MOB1A: variants seen among roughly 807,000 people sequenced by gnomAD.
The protein encoded by MOB1A is MOB1 Mps One Binder homolog A.
MOB1A carries 10 observed loss-of-function variants against 25.1 expected under a neutral mutation model. The ratio of observed to expected loss-of-function variants is 0.40; its 90% CI spans 0.25 to 0.68. MOB1A has a LOEUF of 0.68. Among genes scored for constraint, MOB1A ranks in the 30% least tolerant of loss-of-function variants. The pLI, the probability that MOB1A is intolerant of heterozygous loss-of-function variation, is 0.40. For synonymous variants in MOB1A, 81 were observed against 79.5 expected, an observed-to-expected ratio of 1.02 and a Z score of -0.10; for missense variants, 177 against 256.3, an observed-to-expected ratio of 0.69 and a Z score of 2.11.
intron 4 of MOB1A, chr2:74,164,598 T>C (rs1402919480): frequency 6.6e-6 from 1 of 152,182 alleles, no homozygotes; most frequent in African/African-American, 2.4e-5. Flanking sequence ...CTAATTGTTA[T>C]ATTAAAATCA....
At chr2:74,165,456 C>T (rs938401606) in intron 3 of MOB1A, 105 bp from the exon 4 acceptor site, 4 of 614,922 alleles carry the variant, frequency 6.5e-6, no homozygotes, top group South Asian at 7.7e-5. Context: ...GAAGTTACAT[C>T]TAACTTTAAT....
chr2:74,166,633 G>A (rs1198658284), intron 3 of MOB1A, among the ~76,000 whole-genome samples: 1 of 152,158 alleles, frequency 6.6e-6, no homozygotes. Context: ...CCAGGAGTTT[G>A]AGACCAGCCC....
chr2:74,171,612 G>T (rs56121390), intron 2 of MOB1A, among the ~76,000 whole-genome samples: 1 of 151,940 alleles, frequency 6.6e-6, no homozygotes, highest in Admixed American at 6.6e-5. Context: ...TTTCCATTAA[G>T]AAGTTTTAGG....
intron 4 of MOB1A, 93 bp from the exon 5 acceptor site, chr2:74,159,347 AGTG>A: frequency 8.7e-7 from 1 of 1,153,376 alleles, no homozygotes; most frequent in Non-Finnish European, 1.3e-6. Flanking sequence ...TCACTCAGGC[AGTG>A]GTGCAATCTC....
In MOB1A at chr2:74,165,356, A is replaced by C; in HGVS notation, c.276-5T>G. On this transcript the variant is annotated splice_polypyrimidine_tract_variant and splice_region_variant and intron_variant, in intron 3 of 5. Coordinates refer to ENST00000396049, the MANE Select transcript of MOB1A (RefSeq NM_018221.5). Reference sequence around the variant, plus strand: ...TCTGCCCAGTGATATTCATATCTGAAGAGAAAAATGTTTTACTGATAAATT... The same window carrying C: ...TCTGCCCAGTGATATTCATATCTGACGAGAAAAATGTTTTACTGATAAATT... 6.7e-7 allele frequency: 1 copy of C among 1,489,238 alleles called. No individual in the cohort carries two copies. Among genetic ancestry groups the C allele is most frequent in the Non-Finnish European group, 9.0e-7 (1 of 1,116,112 alleles). 92.3% of individuals were successfully genotyped at this position (1,489,238 alleles called of 1,614,324 possible).
chr2:74,167,171 G>A lies in MOB1A; in HGVS notation c.182-64C>T, dbSNP rs147057244. ...AACACAAAATATGAGACCTCCAGTT[G>A]AAGGAAAAACAGACAATACATTTAG... On this transcript the variant is annotated intron_variant, in intron 2 of 5. Coordinates refer to ENST00000396049, the MANE Select transcript of MOB1A (RefSeq NM_018221.5). The A allele has an allele frequency of 6.3e-6, 8 of 1,276,586 alleles. No homozygotes were observed. The East Asian group carries it at 1.6e-4, about 26-fold the overall frequency. The allele number at this position is 1,276,586 out of a possible 1,614,324, so 79.1% of individuals were successfully genotyped here. A position where few individuals can be genotyped will look rare whatever the true frequency, so the allele number is the denominator to read the frequency against.
chr2:74,161,877 C>T (rs952660022), intron 4 of MOB1A, among the ~76,000 whole-genome samples: 3 of 151,114 alleles, frequency 2.0e-5, no homozygotes, highest in African/African-American at 7.3e-5. Context: ...GGACCACTTG[C>T]GCCTGGGAGG....
Position 74,172,572 on chromosome 2 carries a change from A to T in MOB1A, c.181+14T>A. 6.3e-7 allele frequency: 1 copy of T among 1,591,544 alleles called. No homozygotes were observed. The highest frequency in any genetic ancestry group is 8.5e-7 in the Non-Finnish European group (1 of 1,172,560). On this transcript the variant is annotated intron_variant, in intron 2 of 5. Coordinates refer to ENST00000396049, the MANE Select transcript of MOB1A (RefSeq NM_018221.5). ...CCTTTCTAGAAAACAGCAAAGTTAC[A>T]TTTTAAAACTTACTGTTCACAGCAA...
In MOB1A at chr2:74,153,506, A is replaced by C. The variant is rs1692716317; in HGVS notation, c.*3062T>G. The C allele has an allele frequency of 6.6e-6, 1 of 152,254 alleles. No individual in the cohort carries two copies. Among genetic ancestry groups the C allele is most frequent in the African/African-American group, 2.4e-5 (1 of 41,462 alleles). 9.4% of individuals were successfully genotyped at this position (152,254 alleles called of 1,614,324 possible). A position where few individuals can be genotyped will look rare whatever the true frequency, so the allele number is the denominator to read the frequency against. On this transcript the variant is annotated 3_prime_UTR_variant, in exon 6 of 6. Transcript: ENST00000396049. Reference sequence around the variant, plus strand: ...CAGCTATATAAGCTAGGGTTCTACAAGCCTTAGATGAAAGGAAAAACTTTG... The same window carrying C: ...CAGCTATATAAGCTAGGGTTCTACACGCCTTAGATGAAAGGAAAAACTTTG...
At chr2:74,164,634 A>C (rs1172440317) in intron 4 of MOB1A, 1 of 152,210 alleles carries the variant, frequency 6.6e-6, no homozygotes, top group Non-Finnish European at 1.5e-5. Flanking sequence ...AATAGGACAA[A>C]ATAGTAAGGT....
chr2:74,170,272 G>A (rs1693250187), intron 2 of MOB1A, among the ~76,000 whole-genome samples: 1 of 151,708 alleles, frequency 6.6e-6, no homozygotes, highest in South Asian at 2.1e-4. Flanking sequence ...CAAGTAGCTG[G>A]GACTACAGGT....
chr2:74,178,307 G>A (rs557199388), intron 1 of MOB1A: 78 of 193,050 alleles, frequency 4.0e-4, no homozygotes, highest in Admixed American at 1.1e-3. Flanking sequence ...GAGTTAAGTC[G>A]GCAAGGACGG....
intron 5 of MOB1A, among the ~76,000 whole-genome samples, chr2:74,158,740 T>C (rs950776511): frequency 5.2e-4 from 78 of 149,126 alleles, no homozygotes; most frequent in African/African-American, 1.9e-3. Flanking sequence ...GATCACGCCA[T>C]TGCACTCTAG....
Position 74,152,910 on chromosome 2 carries a change from G to A in MOB1A, c.*3658C>T. On this transcript the variant is annotated 3_prime_UTR_variant, in exon 6 of 6. Coordinates refer to ENST00000396049, the MANE Select transcript of MOB1A (RefSeq NM_018221.5). ...ATAATGAGAGAAAACTCAAATGAAT[G>A]TCAGTGCAGTTGCTTCAAAAAAATT... 1 of 152,198 alleles carries A rather than the reference G, an allele frequency of 6.6e-6. No homozygotes were observed. Among genetic ancestry groups the A allele is most frequent in the East Asian group, 1.9e-4 (1 of 5,200 alleles). The allele number at this position is 152,198 out of a possible 1,614,324, so 9.4% of individuals were successfully genotyped here.
chr2:74,159,062 G>T, intron 5 of MOB1A, 29 bp downstream of exon 5: 1 of 1,611,004 alleles, frequency 6.2e-7, no homozygotes, highest in Non-Finnish European at 8.5e-7. Flanking sequence ...CAAGTCACAG[G>T]ACACAGAAAT....
chr2:74,159,457 T>C (rs1377031944), intron 4 of MOB1A, among the ~76,000 whole-genome samples: 2 of 152,120 alleles, frequency 1.3e-5, no homozygotes, highest in African/African-American at 2.4e-5. Flanking sequence ...AGCTAATTTT[T>C]TGTATTTTTT....
chr2:74,159,831 C>CG (rs1558831349), intron 4 of MOB1A, among the ~76,000 whole-genome samples: 67 of 123,106 alleles, frequency 5.4e-4, no homozygotes, highest in African/African-American at 1.9e-3. Context: ...CCCCCCCCAC[C>CG]CCGGAGACTG....
At chr2:74,158,016 T>C (rs1047744489) in intron 5 of MOB1A, among the ~76,000 whole-genome samples, 1 of 151,886 alleles carries the variant, frequency 6.6e-6, no homozygotes, top group African/African-American at 2.4e-5. Flanking sequence ...ACCCCATTTC[T>C]AGTAAACATA....
Position 74,154,327 on chromosome 2 carries a change from C to A in MOB1A, c.*2241G>T, listed in dbSNP as rs1007984713. ...TCTCCTCCTCCCCTTGGCTCCCTAG[C>A]CTTGGAGGTAAACACTAATATTTCA... On this transcript the variant is annotated 3_prime_UTR_variant, in exon 6 of 6. Coordinates refer to ENST00000396049, the MANE Select transcript of MOB1A (RefSeq NM_018221.5). 6.6e-6 allele frequency: 1 copy of A among 152,162 alleles called. No individual in the cohort carries two copies. Among genetic ancestry groups the A allele is most frequent in the Admixed American group, 6.6e-5 (1 of 15,266 alleles). 9.4% of individuals were successfully genotyped at this position (152,162 alleles called of 1,614,324 possible).
Sources: allele counts gnomAD v4.1 joint callset (sites outside exome capture counted in the v4.1 genomes callset), GRCh38; gene constraint gnomAD v4.1.1; transcripts MANE v1.5; gene names NCBI Gene and HGNC (gene_info 2026-07-23, HGNC 2026-07-21).